The following ARMC3 variants were observed in gnomAD, a reference collection of about 807,000 sequenced individuals.
The protein encoded by ARMC3 is armadillo repeat containing 3, also known as armadillo repeat-containing protein 3.
A neutral mutation model predicts 90.3 loss-of-function variants in ARMC3; 74 were observed. The observed-to-expected ratio is 0.82, with a 90% confidence interval of 0.68 to 0.99. The LOEUF is 0.99. Among genes scored for constraint, ARMC3 ranks in the 50% least tolerant of loss-of-function variants. ARMC3 has a pLI of 0.00. For synonymous variants in ARMC3, 334 were observed against 361.8 expected (o/e 0.92, Z 0.87); for missense variants, 958 against 1,042.8 (o/e 0.92, Z 1.12).
At chr10:22,995,744 C>T (rs1322090787) in intron 10 of ARMC3, among the ~76,000 whole-genome samples, 1 of 152,116 alleles carries the variant, frequency 6.6e-6, no homozygotes, top group African/African-American at 2.4e-5. Flanking sequence ...AATTTTTCTT[C>T]GTTTCTTAGT....
At chr10:22,950,222 A>C (rs74121681) in intron 3 of ARMC3, among the ~76,000 whole-genome samples, 1 of 152,170 alleles carries the variant, frequency 6.6e-6, no homozygotes, top group Non-Finnish European at 1.5e-5. Flanking sequence ...TAGAAATGGC[A>C]ACATATATGT....
intron 3 of ARMC3, among the ~76,000 whole-genome samples, chr10:22,953,189 G>A (rs781274954): frequency 1.3e-5 from 2 of 152,116 alleles, no homozygotes; most frequent in African/African-American, 2.4e-5. Flanking sequence ...GACGAAAGGG[G>A]CTCACTAGCC....
chr10:22,994,327 G>A (rs771580084), intron 10 of ARMC3, among the ~76,000 whole-genome samples: 23 of 152,186 alleles, frequency 1.5e-4, no homozygotes, highest in African/African-American at 2.4e-4. Context: ...AGGAAGAGGC[G>A]GCGAGGGGCT....
At chr10:22,958,909 G>A (rs1835069833) in intron 4 of ARMC3, among the ~76,000 whole-genome samples, 161 bp from the exon 5 acceptor site, 1 of 152,010 alleles carries the variant, frequency 6.6e-6, no homozygotes, top group South Asian at 2.1e-4. Flanking sequence ...TTTTAGTAGG[G>A]TAGGGGTTTC....
chr10:22,974,986 C>G (rs951622498), intron 8 of ARMC3, among the ~76,000 whole-genome samples: 10 of 152,076 alleles, frequency 6.6e-5, no homozygotes, highest in Non-Finnish European at 1.3e-4. Flanking sequence ...CAATTTTAAC[C>G]ACATTTGTCA....
intron 18 of ARMC3, among the ~76,000 whole-genome samples, chr10:23,035,484 A>G (rs564729615): frequency 2.5e-4 from 38 of 152,052 alleles, no homozygotes; most frequent in Non-Finnish European, 5.0e-4. Context: ...CTGAACACCA[A>G]TACTCACTGG....
intron 16 of ARMC3, among the ~76,000 whole-genome samples, chr10:23,018,550 A>T (rs1410783858): frequency 8.2e-6 from 1 of 122,288 alleles, no homozygotes; most frequent in African/African-American, 3.3e-5. Context: ...GGAGTCTCGC[A>T]CTGTCACCCA....
chr10:23,004,681 C>T (rs1168152605), intron 13 of ARMC3, among the ~76,000 whole-genome samples: 2 of 152,098 alleles, frequency 1.3e-5, no homozygotes, highest in African/African-American at 4.8e-5. Flanking sequence ...CATCACTGAG[C>T]CCCGGTTGCA....
chr10:22,997,938 A>G (rs1837072621), intron 10 of ARMC3, among the ~76,000 whole-genome samples: 1 of 152,240 alleles, frequency 6.6e-6, no homozygotes, highest in Non-Finnish European at 1.5e-5. Flanking sequence ...TACAAGTAGA[A>G]AAAGAATTAT....
In ARMC3 at chr10:22,955,795, G is replaced by A. The variant is rs758057775; in HGVS notation, c.167-12G>A. On this transcript the variant is annotated splice_polypyrimidine_tract_variant and intron_variant, in intron 3 of 18. Transcript: ENST00000298032. ...ATATCCATGTGTGGTTTTGTTTTAC[G>A]TGTGATGTCAGGTGAGGAAAATAAA... 14 of 1,613,196 alleles carry A rather than the reference G, an allele frequency of 8.7e-6. No homozygotes were observed. Among genetic ancestry groups the A allele is most frequent in the African/African-American group, 5.3e-5 (4 of 74,882 alleles).
intron 6 of ARMC3, chr10:22,960,769 G>T (rs1255150642): frequency 6.6e-6 from 1 of 152,198 alleles, no homozygotes; most frequent in African/African-American, 2.4e-5. Flanking sequence ...CAGTTCTGGA[G>T]GCCAGAAGTC....
intron 6 of ARMC3, chr10:22,961,170 G>T (rs1318843452): frequency 6.6e-6 from 1 of 152,142 alleles, no homozygotes; most frequent in East Asian, 1.9e-4. Context: ...GATGGACAGG[G>T]GAAAGCTAAG....
intron 8 of ARMC3, among the ~76,000 whole-genome samples, chr10:22,973,753 CTTTTTTT>C (rs56405413): frequency 2.0e-4 from 16 of 79,920 alleles, no homozygotes; most frequent in African/African-American, 8.5e-4. Context: ...CTTTGTCTTT[CTTTTTTT>C]TTTTTTTTTT....
At chr10:22,990,328 C>T (rs1222242113) in intron 10 of ARMC3, among the ~76,000 whole-genome samples, 10 of 152,184 alleles carry the variant, frequency 6.6e-5, no homozygotes, top group Non-Finnish European at 4.4e-5. Flanking sequence ...AGTAGGATTT[C>T]TGAGGAAACT....
chr10:22,935,643 T>C (rs752055650), intron 2 of ARMC3, among the ~76,000 whole-genome samples: 2 of 152,216 alleles, frequency 1.3e-5, no homozygotes, highest in Non-Finnish European at 2.9e-5. Context: ...TCTTTTCCCA[T>C]CTTTCTCCCT....
chr10:23,020,928 G>T (rs1041611232), intron 16 of ARMC3, among the ~76,000 whole-genome samples: 8 of 152,122 alleles, frequency 5.3e-5, no homozygotes, highest in African/African-American at 1.4e-4. Context: ...ATACCAACAG[G>T]TAGGTTTTCA....
chr10:23,026,450 A>G (rs1173863910), intron 16 of ARMC3, among the ~76,000 whole-genome samples: 1 of 152,132 alleles, frequency 6.6e-6, no homozygotes, highest in East Asian at 1.9e-4. Flanking sequence ...CAATCAATGT[A>G]ATCCATCATA....
intron 2 of ARMC3, among the ~76,000 whole-genome samples, chr10:22,940,513 G>A (rs1192540292): frequency 2.6e-5 from 4 of 152,130 alleles, no homozygotes; most frequent in Non-Finnish European, 4.4e-5. Context: ...TTGAGACAGG[G>A]TCTCACTCTT....
intron 3 of ARMC3, chr10:22,946,467 G>A: frequency 2.9e-6 from 1 of 339,194 alleles, no homozygotes. Flanking sequence ...TTAGTCACTG[G>A]GTAGAACAGT....
Sources: allele counts gnomAD v4.1 joint callset (sites outside exome capture counted in the v4.1 genomes callset), GRCh38; gene constraint gnomAD v4.1.1; transcripts MANE v1.5; gene names NCBI Gene and HGNC (gene_info 2026-07-23, HGNC 2026-07-21).